Variants in RBM45 observed in about 807,000 individuals in gnomAD.
RBM45 encodes the protein RNA-binding protein 45.
RBM45 carries 39 observed loss-of-function variants against 58.5 expected under a neutral mutation model. The ratio of observed to expected loss-of-function variants is 0.67; its 90% CI spans 0.52 to 0.87. The LOEUF (loss-of-function observed/expected upper bound fraction) is 0.87, where lower values mean the gene tolerates loss of function less well. Ranked by LOEUF, RBM45 falls within the 40% of genes least tolerant of loss-of-function variation. The probability of loss-of-function intolerance (pLI) is 0.00; values close to 1 mark genes in which losing one functional copy is unlikely to be tolerated. For missense variants in RBM45, 481 were observed against 581.6 expected, an observed-to-expected ratio of 0.83 and a Z score of 1.78; for synonymous variants, 193 against 203.0, an observed-to-expected ratio of 0.95 and a Z score of 0.42.
chr2:178,117,136 G>A (rs1422023434), intron 2 of RBM45, among the ~76,000 whole-genome samples: 1 of 151,878 alleles, frequency 6.6e-6, no homozygotes, highest in East Asian at 1.9e-4. Flanking sequence ...GAATTGGGTG[G>A]CAACAAGCAA....
intron 3 of RBM45, among the ~76,000 whole-genome samples, chr2:178,134,693 T>C (rs1264878562): frequency 6.6e-6 from 1 of 152,272 alleles, no homozygotes; most frequent in Non-Finnish European, 1.5e-5. Flanking sequence ...TCTCTCTTTG[T>C]CAACAAAGCC....
At chr2:178,117,409 T>G (rs1279832307) in intron 2 of RBM45, among the ~76,000 whole-genome samples, 1 of 152,200 alleles carries the variant, frequency 6.6e-6, no homozygotes. Context: ...ACCAATTATA[T>G]TCCATATTTC....
chr2:178,121,058 G>A (rs1045145930), intron 4 of RBM45, 122 bp from the exon 5 acceptor site: 18 of 469,992 alleles, frequency 3.8e-5, no homozygotes, highest in East Asian at 6.8e-5. Context: ...GACCAGAAGC[G>A]TACTACAAAA....
chr2:178,124,989 C>G (rs2087908868), intron 8 of RBM45, among the ~76,000 whole-genome samples: 1 of 151,942 alleles, frequency 6.6e-6, no homozygotes, highest in Admixed American at 6.6e-5. Flanking sequence ...TAACATAACT[C>G]CTTTCTTTGC....
At position 178,118,103 on chromosome 2, in the gene RBM45, G is replaced by A; in HGVS notation, c.472G>A (p.Gly158Arg). 6.2e-7 allele frequency: 1 copy of A among 1,612,406 alleles called. No homozygotes were observed. The highest frequency in any genetic ancestry group is 8.5e-7 in the Non-Finnish European group (1 of 1,178,886). Reference protein sequence around the residue: ...YCSIIKNKVTGESKGLGYVRY... With the variant: ...YCSIIKNKVTRESKGLGYVRY... ...CAGCATTATTAAGAATAAAGTGACT[G>A]GAGAAAGTAAAGGTTTGGGCTACGT... is the stretch of plus-strand genomic sequence containing the variant. The change falls in exon 3 of 10, where the codon GGA becomes AGA. Residue 158 changes from glycine to arginine, a missense_variant. By Grantham distance (125) the Gly-to-Arg change is moderately radical. Coordinates refer to ENST00000286070, the MANE Select transcript of RBM45 (RefSeq NM_152945.4).
At chr2:178,117,510 G>T (rs2087792194) in intron 2 of RBM45, among the ~76,000 whole-genome samples, 1 of 152,132 alleles carries the variant, frequency 6.6e-6, no homozygotes, top group African/African-American at 2.4e-5. Flanking sequence ...CCTTTGAAAA[G>T]CACTCCTTCA....
rs767077878 is a variant in RBM45, at chr2:178,125,986, G to A, written c.1235G>A (p.Arg412His). The change falls in exon 9 of 10, where the codon CGT (arginine) becomes CAT (histidine). Residue 412 changes from arginine (R) to histidine (H), a missense_variant and splice_region_variant. Arg to His is a conservative substitution (Grantham distance 29). Transcript: ENST00000286070. ...TTATTTTTTTCACTTTGTTTCAGTCGTTTTGGTAACCTGATCGAAGTTTAC... is the reference window on the plus strand; with the variant it reads ...TTATTTTTTTCACTTTGTTTCAGTCATTTTGGTAACCTGATCGAAGTTTAC... ...PLDVLEDIFC[R>H]FGNLIEVYLV... 73 of 1,610,284 alleles carry A rather than the reference G, an allele frequency of 4.5e-5. No individual in the cohort carries two copies. The highest frequency in any genetic ancestry group is 1.6e-4 in the Middle Eastern group (1 of 6,066).
intron 8 of RBM45, among the ~76,000 whole-genome samples, chr2:178,124,820 G>A (rs1053086130): frequency 1.3e-5 from 2 of 151,856 alleles, no homozygotes; most frequent in African/African-American, 4.8e-5. Flanking sequence ...TTTGTTTTTT[G>A]TGTTTTTTTT....
At chr2:178,116,186 A>G in intron 1 of RBM45, 76 bp from the exon 2 acceptor site, 1 of 1,496,372 alleles carries the variant, frequency 6.7e-7, no homozygotes, top group African/African-American at 1.4e-5. Flanking sequence ...TGCAAGAATA[A>G]TTGCTTTTGA....
At chr2:178,134,634 C>A (rs2088030895), downstream of RBM45, among the ~76,000 whole-genome samples, 1 of 151,678 alleles carries the variant, frequency 6.6e-6, no homozygotes, top group South Asian at 2.1e-4. Context: ...AAGTTATATA[C>A]TAATTTACTA....
downstream of RBM45, among the ~76,000 whole-genome samples, chr2:178,131,048 A>C (rs115715138): frequency 8.3e-4 from 126 of 152,350 alleles, no homozygotes; most frequent in African/African-American, 2.8e-3. Flanking sequence ...TCGAGGCTGC[A>C]GAGTGCTGTT....
At chr2:178,115,951 A>G (rs1168301954) in intron 1 of RBM45, among the ~76,000 whole-genome samples, 1 of 151,846 alleles carries the variant, frequency 6.6e-6, no homozygotes, top group African/African-American at 2.4e-5. Flanking sequence ...CCAGGAATTC[A>G]TGACCATCCT....
intron 9 of RBM45, 126 bp downstream of exon 9, chr2:178,126,310 CTATT>C: frequency 4.2e-6 from 2 of 477,326 alleles, no homozygotes; most frequent in South Asian, 9.7e-5. Flanking sequence ...AGCTTTGCAA[CTATT>C]TAAACTTTAA....
chr2:178,112,808 G>A lies in RBM45; in HGVS notation c.262G>A (p.Gly88Ser). The A allele has an allele frequency of 6.2e-7, 1 of 1,612,650 alleles. No homozygotes were observed. The highest frequency in any genetic ancestry group is 1.1e-5 in the South Asian group (1 of 91,076). Reference sequence around the variant, plus strand: ...CTGCAGGGCCATGGAGGAGATGCATGGCCAGTGCCTCGGCCCCAACGACAC... The same window carrying A: ...CTGCAGGGCCATGGAGGAGATGCATAGCCAGTGCCTCGGCCCCAACGACAC... Reference protein sequence around the residue: ...QACRAMEEMHGQCLGPNDTKP... With the variant: ...QACRAMEEMHSQCLGPNDTKP... Residue 88 changes from glycine (G) to serine (S), a missense_variant, in exon 1 of 10, where the codon GGC becomes AGC. Physicochemically the swap from Gly to Ser is moderately conservative, Grantham distance 56. Coordinates refer to ENST00000286070, the MANE Select transcript of RBM45 (RefSeq NM_152945.4).
At chr2:178,124,326 C>A in intron 8 of RBM45, 36 bp downstream of exon 8, 2 of 1,288,408 alleles carry the variant, frequency 1.6e-6, no homozygotes, top group South Asian at 1.5e-5. Context: ...ATTTTATTTA[C>A]ACTAGTAATT....
intron 3 of RBM45, among the ~76,000 whole-genome samples, chr2:178,118,999 G>A (rs1237910181): frequency 6.6e-6 from 1 of 150,840 alleles, no homozygotes; most frequent in Non-Finnish European, 1.5e-5. Flanking sequence ...GTATATGGCA[G>A]CCCTCACATT....
intron 2 of RBM45, among the ~76,000 whole-genome samples, chr2:178,117,344 A>G (rs987885957): frequency 6.6e-6 from 1 of 152,144 alleles, no homozygotes; most frequent in African/African-American, 2.4e-5. Context: ...ACTTTAATGT[A>G]TAGTAATTAA....
downstream of RBM45, among the ~76,000 whole-genome samples, chr2:178,133,267 AT>A (rs1294258434): frequency 1.3e-5 from 2 of 152,184 alleles, no homozygotes; most frequent in Admixed American, 1.3e-4. Context: ...ATATTTTTTG[AT>A]GTTTGTAAAG....
intron 7 of RBM45, 83 bp from the exon 8 acceptor site, chr2:178,124,044 A>G: frequency 2.7e-6 from 4 of 1,491,656 alleles, no homozygotes; most frequent in East Asian, 4.5e-5. Flanking sequence ...CATAGATGCC[A>G]TGATACATAT....
Sources: gnomAD v4.1 joint callset for allele counts (sites outside exome capture counted in the v4.1 genomes callset) on GRCh38, gnomAD v4.1.1 for gene constraint, MANE v1.5 for transcripts, NCBI Gene and HGNC (gene_info 2026-07-23, HGNC 2026-07-21) for gene names.